The following GRIK3 variants were observed in gnomAD, a reference collection of about 807,000 sequenced individuals.
The protein encoded by GRIK3 is glutamate receptor ionotropic, kainate 3.
Under a neutral mutation model 102.5 loss-of-function variants are expected in GRIK3, and 29 were observed. The ratio of observed to expected loss-of-function variants is 0.28; its 90% CI spans 0.21 to 0.39. The LOEUF is 0.39. GRIK3 is among the 10% of genes least tolerant of loss of function. The pLI is 1.00. For synonymous variants in GRIK3, 511 were observed against 504.9 expected (o/e 1.01, Z -0.16); for missense variants, 908 against 1,252.4 (o/e 0.73, Z 4.15).
chr1:36,892,782 A>G (rs1019895083), intron 1 of GRIK3, among the ~76,000 whole-genome samples: 5 of 152,248 alleles, frequency 3.3e-5, no homozygotes, highest in African/African-American at 1.2e-4. Flanking sequence ...ATTTTAAAAT[A>G]TATCATTAAG....
chr1:36,802,758 C>T (rs1642455982), intron 15 of GRIK3, among the ~76,000 whole-genome samples: 1 of 152,144 alleles, frequency 6.6e-6, no homozygotes, highest in Admixed American at 6.5e-5. Flanking sequence ...GCTGATATCT[C>T]AACTTACCTA....
chr1:36,861,670 C>A (rs1292155717), intron 5 of GRIK3, among the ~76,000 whole-genome samples: 1 of 152,220 alleles, frequency 6.6e-6, no homozygotes, highest in Non-Finnish European at 1.5e-5. Context: ...TCCTGTTCCT[C>A]CTGCATCCCC....
chr1:36,816,980 A>G, intron 13 of GRIK3, 80 bp downstream of exon 13: 2 of 948,152 alleles, frequency 2.1e-6, no homozygotes, highest in South Asian at 3.0e-5. Context: ...AAGGACAGAG[A>G]CCCCCTTTCC....
chr1:36,982,912 C>T (rs889756747), intron 1 of GRIK3, among the ~76,000 whole-genome samples: 4 of 152,224 alleles, frequency 2.6e-5, no homozygotes, highest in Non-Finnish European at 2.9e-5. Context: ...CTCAGAGGGC[C>T]GCTGACAGCT....
intron 1 of GRIK3, among the ~76,000 whole-genome samples, chr1:36,956,562 T>A (rs1293359779): frequency 6.6e-6 from 1 of 152,076 alleles, no homozygotes; most frequent in East Asian, 1.9e-4. Context: ...CACACCACTC[T>A]CGACCATCAC....
chr1:36,884,600 C>T (rs1009768189), intron 2 of GRIK3, among the ~76,000 whole-genome samples: 6 of 152,162 alleles, frequency 3.9e-5, no homozygotes, highest in African/African-American at 9.7e-5. Flanking sequence ...AGCCTGAGGC[C>T]GTGGGCACCC....
chr1:36,979,831 A>C (rs1240782254), intron 1 of GRIK3, among the ~76,000 whole-genome samples: 1 of 152,252 alleles, frequency 6.6e-6, no homozygotes, highest in Non-Finnish European at 1.5e-5. Flanking sequence ...GCCTGGCTCA[A>C]GTTTCACAGG....
intron 1 of GRIK3, among the ~76,000 whole-genome samples, chr1:36,916,369 T>C (rs1486296629): frequency 3.9e-5 from 6 of 152,166 alleles, no homozygotes; most frequent in African/African-American, 1.4e-4. Flanking sequence ...AAAAACCCAT[T>C]TTCTGAGGAG....
intron 9 of GRIK3, among the ~76,000 whole-genome samples, chr1:36,843,255 C>T (rs4330888): frequency 0.13 from 20,103 of 152,078 alleles, 1,390 homozygotes; most frequent in Non-Finnish European, 0.16. Flanking sequence ...ACGCTTTTGC[C>T]GGCACCGTCT....
intron 1 of GRIK3, among the ~76,000 whole-genome samples, chr1:37,006,152 C>T (rs1055308237): frequency 6.6e-6 from 1 of 152,148 alleles, no homozygotes; most frequent in Non-Finnish European, 1.5e-5. Context: ...CTGTCTGCAT[C>T]CTTGGGGACT....
chr1:36,806,282 G>A lies in GRIK3; in HGVS notation c.2136C>T (p.Ser712=), dbSNP rs1231251916. The change falls in exon 14 of 16, where the codon AGC becomes AGT. Residue 712 remains serine (S), a synonymous_variant. Coordinates refer to ENST00000373091, the MANE Select transcript of GRIK3 (RefSeq NM_000831.4). The surrounding 1 kb of genome is among the most constrained non-coding windows in gnomAD (Gnocchi z 4.0). ...TCTTCACCAGCGCCGATGGCTTGCT[G>A]CTCATGAAGGCCCACATCTTCTCGA... The part of the protein sequence containing the change: ...STFEKMWAFM[S]SKPSALVKNN... 1.4e-5 allele frequency: 22 copies of A among 1,614,022 alleles called. No individual in the cohort carries two copies. Among genetic ancestry groups the A allele is most frequent in the Middle Eastern group, 3.3e-4 (2 of 6,084 alleles).
At chr1:36,814,774 T>C (rs1042162996) in intron 13 of GRIK3, among the ~76,000 whole-genome samples, 1 of 151,852 alleles carries the variant, frequency 6.6e-6, no homozygotes, top group African/African-American at 2.4e-5. Context: ...TATCTAGACA[T>C]ACCCATGAGG....
rs1457047649 is a variant in GRIK3, at chr1:36,802,035, C to T, written c.2576G>A (p.Cys859Tyr). Residue 859 changes from cysteine to tyrosine, a missense_variant, in exon 16 of 16, where the codon TGC becomes TAC. Transcript: ENST00000373091. ...ACGGATCTCATCGGCCACGGTGCTG[C>T]AGAAGGAACGCTGCAGGAGGGTGGA... ...KTAEREQRSFCSTVADEIRFS... is the reference protein window; with the variant it reads ...KTAEREQRSFYSTVADEIRFS... 7.5e-6 allele frequency: 12 copies of T among 1,610,396 alleles called. No individual in the cohort carries two copies. The highest frequency in any genetic ancestry group is 1.0e-5 in the Non-Finnish European group (12 of 1,178,282).
At chr1:36,996,340 T>G (rs1642419649) in intron 1 of GRIK3, among the ~76,000 whole-genome samples, 1 of 152,214 alleles carries the variant, frequency 6.6e-6, no homozygotes. Context: ...ACAAGGCTTA[T>G]GGGTAGCAGC....
rs763851431 is a variant in GRIK3, at chr1:36,915,950, G to C, written c.116-24854C>G. Among the ~76,000 whole-genome samples the C allele has an allele frequency of 7.2e-5, 11 of 152,126 alleles. No homozygotes were observed. In the South Asian group the frequency reaches 1.2e-3, roughly 17 times the overall value. ...GGAAGCGACTTTGGAACTGGGTAAC[G>C]GGCAGAGGTTGGAAAAATTTGGAGG... On this transcript the variant is annotated intron_variant, in intron 1 of 15. Transcript: ENST00000373091.
intron 5 of GRIK3, among the ~76,000 whole-genome samples, chr1:36,865,357 C>T (rs557835575): frequency 1.2e-4 from 18 of 152,010 alleles, no homozygotes; most frequent in Middle Eastern, 3.4e-3. Context: ...TTTTTAGAGG[C>T]GAAGAGTTGG....
intron 15 of GRIK3, 133 bp downstream of exon 15, chr1:36,804,854 T>C: frequency 8.4e-7 from 1 of 1,190,580 alleles, no homozygotes; most frequent in African/African-American, 1.5e-5. Flanking sequence ...CAGGGCTTGC[T>C]GGCCGACTGG....
intron 3 of GRIK3, among the ~76,000 whole-genome samples, chr1:36,879,839 C>T (rs1334838486): frequency 2.6e-5 from 4 of 151,982 alleles, no homozygotes; most frequent in South Asian, 4.1e-4. Context: ...AGCCCATCTC[C>T]TCTTTCTGTC....
chr1:36,857,049 G>C lies in GRIK3; in HGVS notation c.1104+2059C>G, dbSNP rs547873426. Among the ~76,000 whole-genome samples, 3 of 152,330 alleles carry C rather than the reference G, an allele frequency of 2.0e-5. No homozygotes were observed. In the South Asian group the frequency reaches 6.2e-4, roughly 32 times the overall value. On this transcript the variant is annotated intron_variant, in intron 7 of 15. Coordinates refer to ENST00000373091, the MANE Select transcript of GRIK3 (RefSeq NM_000831.4). ...TCACCAATCCTCAGAACAACCTGAT[G>C]ATAAGGTGCTATTTTTATCTCCACT...
Sources: gnomAD v4.1 joint callset for allele counts (sites outside exome capture counted in the v4.1 genomes callset) on GRCh38, gnomAD v4.1.1 for gene constraint, Gnocchi (gnomAD v3.1) non-coding constraint, MANE v1.5 for transcripts, NCBI Gene and HGNC (gene_info 2026-07-23, HGNC 2026-07-21) for gene names.